TBCK: variants seen among roughly 807,000 people sequenced by gnomAD.
TBCK encodes TBC1 domain containing kinase, also known as TBC domain-containing protein kinase-like protein.
TBCK carries 99 observed loss-of-function variants against 113.4 expected under a neutral mutation model. The ratio of observed to expected loss-of-function variants is 0.87; its 90% CI spans 0.74 to 1.03. The LOEUF (loss-of-function observed/expected upper bound fraction) is 1.03, where lower values mean the gene tolerates loss of function less well. Ranked by LOEUF, TBCK falls within the 50% of genes least tolerant of loss-of-function variation. TBCK has a pLI of 0.00. For synonymous variants in TBCK, 369 were observed against 370.8 expected (o/e 1.00, Z 0.05); for missense variants, 1,045 against 1,061.3 (o/e 0.98, Z 0.21).
intron 10 of TBCK, among the ~76,000 whole-genome samples, chr4:106,246,672 G>C (rs1289955868): frequency 3.9e-5 from 6 of 152,144 alleles, no homozygotes; most frequent in African/African-American, 1.2e-4. Context: ...ACTAATCACA[G>C]GATTGACTAC....
At chr4:106,195,162 C>A (rs575424699) in intron 20 of TBCK, among the ~76,000 whole-genome samples, 1 of 152,116 alleles carries the variant, frequency 6.6e-6, no homozygotes, top group South Asian at 2.1e-4. Context: ...TTGGTCTTTC[C>A]TCAATTAAAC....
chr4:106,186,115 C>G (rs1752996205), intron 22 of TBCK, among the ~76,000 whole-genome samples: 1 of 152,116 alleles, frequency 6.6e-6, no homozygotes, highest in Non-Finnish European at 1.5e-5. Flanking sequence ...TCACAATTTT[C>G]TTTATGCAGT....
intron 3 of TBCK, among the ~76,000 whole-genome samples, chr4:106,285,875 A>G (rs942834504): frequency 1.3e-5 from 2 of 152,198 alleles, no homozygotes; most frequent in African/African-American, 4.8e-5. Context: ...CACTTTCTAT[A>G]AACAGGTTAT....
At chr4:106,243,755 T>G (rs532108649) in intron 11 of TBCK, among the ~76,000 whole-genome samples, 2 of 152,260 alleles carry the variant, frequency 1.3e-5, no homozygotes, top group East Asian at 3.9e-4. Context: ...AGCATGATCT[T>G]GGCTCACTGC....
chr4:106,241,173 G>A (rs922623776), intron 12 of TBCK, among the ~76,000 whole-genome samples: 5 of 151,286 alleles, frequency 3.3e-5, no homozygotes, highest in African/African-American at 1.2e-4. Flanking sequence ...CTATATACAA[G>A]AGCAATAATA....
intron 19 of TBCK, chr4:106,213,354 C>CG (rs1222577646): frequency 6.5e-6 from 1 of 153,252 alleles, no homozygotes; most frequent in Non-Finnish European, 1.4e-5. Context: ...ATAAGAATAC[C>CG]GGGGGAGGAA....
At chr4:106,172,867 T>C (rs966148834) in intron 22 of TBCK, among the ~76,000 whole-genome samples, 3 of 152,168 alleles carry the variant, frequency 2.0e-5, no homozygotes, top group African/African-American at 7.2e-5. Flanking sequence ...TCCCACCTTC[T>C]ATTTCTGCTA....
intron 3 of TBCK, among the ~76,000 whole-genome samples, chr4:106,263,606 A>G (rs1762704812): frequency 6.6e-6 from 1 of 151,772 alleles, no homozygotes; most frequent in Non-Finnish European, 1.5e-5. Context: ...TGTTTATCAA[A>G]CTCATTAAAC....
At chr4:106,102,167 T>A (rs1389376703) in intron 24 of TBCK, among the ~76,000 whole-genome samples, 2 of 152,230 alleles carry the variant, frequency 1.3e-5, no homozygotes, top group Non-Finnish European at 2.9e-5. Flanking sequence ...GGTTTCTTCT[T>A]ATTCTAAAGT....
chr4:106,245,973 A>G (rs58275655), intron 10 of TBCK, among the ~76,000 whole-genome samples: 6,859 of 152,198 alleles, frequency 0.045, 515 homozygotes, highest in African/African-American at 0.15. Flanking sequence ...CACCCTTTAT[A>G]ATGAATACAT....
At chr4:106,296,771 G>A (rs190169387) in intron 2 of TBCK, among the ~76,000 whole-genome samples, 3 of 152,190 alleles carry the variant, frequency 2.0e-5, no homozygotes, top group East Asian at 1.9e-4. Flanking sequence ...TGAAGCTAGA[G>A]AGAGAGGTGA....
intron 3 of TBCK, among the ~76,000 whole-genome samples, chr4:106,276,291 TATA>T (rs1191564326): frequency 6.6e-6 from 1 of 152,228 alleles, no homozygotes; most frequent in Admixed American, 6.5e-5. Flanking sequence ...AATCGAAAAC[TATA>T]ATGATTCTAG....
intron 25 of TBCK, among the ~76,000 whole-genome samples, chr4:106,082,314 T>C (rs890215939): frequency 1.3e-5 from 2 of 152,188 alleles, no homozygotes; most frequent in Non-Finnish European, 2.9e-5. Flanking sequence ...GACGCCATTA[T>C]CCTAAGTGAA....
At chr4:106,215,141 A>C (rs1283631002) in intron 19 of TBCK, among the ~76,000 whole-genome samples, 2 of 151,804 alleles carry the variant, frequency 1.3e-5, no homozygotes, top group Admixed American at 1.3e-4. Flanking sequence ...GGAGAAATAA[A>C]ATACTTTACA....
intron 20 of TBCK, among the ~76,000 whole-genome samples, chr4:106,196,656 A>G (rs1451608569): frequency 6.6e-6 from 1 of 152,118 alleles, no homozygotes; most frequent in Non-Finnish European, 1.5e-5. Flanking sequence ...GACAATATAA[A>G]TGGAAAAAGG....
At chr4:106,161,411 T>C (rs142401205) in intron 23 of TBCK, among the ~76,000 whole-genome samples, 209 of 152,226 alleles carry the variant, frequency 1.4e-3, no homozygotes, top group African/African-American at 4.8e-3. Flanking sequence ...CATTTTTTCT[T>C]AGCTTTCCTG....
At chr4:106,289,817 A>G (rs530926530) in intron 3 of TBCK, among the ~76,000 whole-genome samples, 16 of 151,974 alleles carry the variant, frequency 1.1e-4, no homozygotes, top group Non-Finnish European at 2.1e-4. Flanking sequence ...ATCAGATATG[A>G]TGCATATTAA....
rs978087238 is a variant in TBCK, at chr4:106,141,886, T to C, written c.2236-25508A>G. 2.5e-4 allele frequency among the ~76,000 whole-genome samples: 35 copies of C among 141,408 alleles called. 6 individuals are homozygous for C. Among genetic ancestry groups the C allele is most frequent in the Non-Finnish European group, 5.6e-4 (35 of 62,224 alleles). The allele number at this position is 141,408 out of a possible 152,430, so 92.8% of individuals were successfully genotyped here. ...AAAAGAAAGCTAATTCTACAATTTA[T>C]GTAGAAACACAGCACCAAACACATG... On this transcript the variant is annotated intron_variant, in intron 23 of 25. Coordinates refer to ENST00000394708, the MANE Select transcript of TBCK (RefSeq NM_001163435.3).
intron 3 of TBCK, among the ~76,000 whole-genome samples, chr4:106,269,699 G>A (rs1010491910): frequency 6.6e-6 from 1 of 152,088 alleles, no homozygotes; most frequent in Admixed American, 6.6e-5. Context: ...TTTCAGTTGT[G>A]AGACTAGGCA....
Sources: gnomAD v4.1 joint callset for allele counts (sites outside exome capture counted in the v4.1 genomes callset) on GRCh38, gnomAD v4.1.1 for gene constraint, MANE v1.5 for transcripts, NCBI Gene and HGNC (gene_info 2026-07-23, HGNC 2026-07-21) for gene names.